The following ATP9B variants were observed in gnomAD, a reference collection of about 807,000 sequenced individuals.
ATP9B encodes the protein ATPase phospholipid transporting 9B, also known as probable phospholipid-transporting ATPase IIB.
Under a neutral mutation model 146.1 loss-of-function variants are expected in ATP9B, and 110 were observed. The observed-to-expected ratio is 0.75, with a 90% CI of 0.65 to 0.88. The LOEUF is 0.88. Among genes scored for constraint, ATP9B ranks in the 40% least tolerant of loss-of-function variants. The pLI, the probability that ATP9B is intolerant of heterozygous loss-of-function variation, is 0.00. For missense variants in ATP9B, 1,499 were observed against 1,496.4 expected (o/e 1.00, Z -0.03); for synonymous variants, 604 against 569.7 (o/e 1.06, Z -0.86).
intron 1 of ATP9B, among the ~76,000 whole-genome samples, chr18:79,073,715 C>G (rs998391434): frequency 6.6e-6 from 1 of 152,214 alleles, no homozygotes; most frequent in Non-Finnish European, 1.5e-5. Flanking sequence ...ATTCTTTACT[C>G]TGTTATCTCC....
intron 23 of ATP9B, among the ~76,000 whole-genome samples, chr18:79,347,228 C>T (rs182839123): frequency 6.6e-6 from 1 of 152,342 alleles, no homozygotes; most frequent in East Asian, 1.9e-4. Flanking sequence ...TACAGACACA[C>T]CCAGAAAGAC....
chr18:79,221,291 G>A (rs771349982), intron 11 of ATP9B, among the ~76,000 whole-genome samples: 32 of 152,156 alleles, frequency 2.1e-4, no homozygotes, highest in Non-Finnish European at 4.1e-4. Flanking sequence ...TCCTCCTGCA[G>A]GACATGAAGG....
intron 25 of ATP9B, among the ~76,000 whole-genome samples, chr18:79,351,809 T>G (rs1182902779): frequency 1.4e-5 from 2 of 141,296 alleles, no homozygotes; most frequent in East Asian, 4.1e-4. Flanking sequence ...GCAAAGGTGG[T>G]GATGGGGAAG....
intron 6 of ATP9B, chr18:79,144,975 G>T (rs2094560543): frequency 4.2e-6 from 1 of 237,590 alleles, no homozygotes; most frequent in Non-Finnish European, 8.4e-6. Flanking sequence ...CCAACGTGGA[G>T]ATTGTCAGGG....
intron 1 of ATP9B, among the ~76,000 whole-genome samples, chr18:79,072,889 TAGAGATGCTCCTCACCTCC>T (rs1412787968): frequency 7.7e-6 from 1 of 130,490 alleles, no homozygotes; most frequent in East Asian, 2.3e-4. Flanking sequence ...GGCGGCTGGG[TAGAGATGCTCCTCACCTCC>T]CAGACAGGGC....
intron 15 of ATP9B, among the ~76,000 whole-genome samples, chr18:79,317,945 G>A (rs1040300659): frequency 1.3e-5 from 2 of 152,252 alleles, no homozygotes; most frequent in African/African-American, 4.8e-5. Context: ...CATGGCAGGG[G>A]ATGTGTCGGA....
At position 79,239,350 on chromosome 18, in the gene ATP9B, A is replaced by G. The variant is rs1239983903; in HGVS notation, c.1108-14031A>G. ...AAAACAGAGAGGTTGGGAATTTACA[A>G]CAAACCAAATTAAATGATGGTGTTT... On this transcript the variant is annotated intron_variant, in intron 11 of 29. Coordinates refer to ENST00000426216, the MANE Select transcript of ATP9B (RefSeq NM_198531.5). This position sits in a 1 kb window ranked among gnomAD's most constrained non-coding sequence, Gnocchi z 5.1. Among the ~76,000 whole-genome samples, 1 of 152,184 alleles carries G rather than the reference A, an allele frequency of 6.6e-6. No homozygotes were observed. The highest frequency in any genetic ancestry group is 6.5e-5 in the Admixed American group (1 of 15,282).
chr18:79,165,211 C>T (rs2094947165), intron 7 of ATP9B, among the ~76,000 whole-genome samples: 1 of 152,176 alleles, frequency 6.6e-6, no homozygotes, highest in Admixed American at 6.5e-5. Context: ...ATTGAGTAGT[C>T]AGTTACAGGG....
In ATP9B at chr18:79,141,045, G is replaced by T. The variant is rs938117704; in HGVS notation, c.668-2757G>T. Among the ~76,000 whole-genome samples the T allele has an allele frequency of 4.6e-5, 7 of 152,192 alleles. No homozygotes were observed. In the South Asian group the frequency reaches 1.5e-3, roughly 32 times the overall value. ...CCTTACTTGGCGATACCGTTTGGCT[G>T]TGTCCCCACCCAAATCTCATCTTGA... On this transcript the variant is annotated intron_variant, in intron 5 of 29. Transcript: ENST00000426216.
chr18:79,104,729 T>A (rs2075537475), intron 2 of ATP9B, among the ~76,000 whole-genome samples: 1 of 152,122 alleles, frequency 6.6e-6, no homozygotes, highest in African/African-American at 2.4e-5. Context: ...TATCCTAGAT[T>A]TGTCTAGGAA....
intron 7 of ATP9B, among the ~76,000 whole-genome samples, chr18:79,162,548 A>C (rs2094899208): frequency 6.6e-6 from 1 of 152,184 alleles, no homozygotes; most frequent in Non-Finnish European, 1.5e-5. Flanking sequence ...AGTGTTTGGG[A>C]CATATTATAG....
intron 26 of ATP9B, chr18:79,362,881 G>C (rs1315035881): frequency 6.6e-6 from 1 of 152,180 alleles, no homozygotes; most frequent in East Asian, 1.9e-4. Flanking sequence ...GTGCCATTAG[G>C]TATTGAACCA....
chr18:79,174,244 G>A (rs1478455986), intron 7 of ATP9B: 1 of 391,192 alleles, frequency 2.6e-6, no homozygotes. Flanking sequence ...TGAAGCTATA[G>A]TGTAATGGAC....
At chr18:79,243,412 T>C (rs1220340927) in intron 11 of ATP9B, among the ~76,000 whole-genome samples, 1 of 152,246 alleles carries the variant, frequency 6.6e-6, no homozygotes, top group African/African-American at 2.4e-5. Context: ...TGGCTCTTGA[T>C]TTAAAAATAG....
chr18:79,073,347 C>G (rs547491238), intron 1 of ATP9B, among the ~76,000 whole-genome samples: 50 of 152,208 alleles, frequency 3.3e-4, no homozygotes, highest in Non-Finnish European at 5.9e-4. Context: ...ACATTGAGCA[C>G]TGAGTGAGCG....
rs369641136 is a variant in ATP9B, at chr18:79,348,164, C to T, written c.2871C>T (p.Ser957=). ...AVFSSVFYFA[S]VPLYQGFLMV... Reference sequence around the variant, plus strand: ...TTTCCTCAGTCTTCTACTTCGCATCCGTCCCTTTGTATCAGGGCTTCCTCA... The same window carrying T: ...TTTCCTCAGTCTTCTACTTCGCATCTGTCCCTTTGTATCAGGGCTTCCTCA... The change falls in exon 25 of 30, where the codon TCC becomes TCT. Residue 957 remains serine (S), a synonymous_variant. Coordinates refer to ENST00000426216, the MANE Select transcript of ATP9B (RefSeq NM_198531.5). 42 of 1,611,170 alleles carry T rather than the reference C, an allele frequency of 2.6e-5. No individual in the cohort carries two copies. Among genetic ancestry groups the T allele is most frequent in the Non-Finnish European group, 3.1e-5 (36 of 1,179,064 alleles).
intron 28 of ATP9B, 55 bp from the exon 29 acceptor site, chr18:79,375,339 T>G: frequency 1.4e-6 from 2 of 1,463,912 alleles, no homozygotes; most frequent in African/African-American, 1.4e-5. Flanking sequence ...CCTTGAAATA[T>G]CCTGGTATCT....
intron 1 of ATP9B, among the ~76,000 whole-genome samples, chr18:79,081,647 G>A (rs2073273319): frequency 1.3e-5 from 2 of 148,380 alleles, no homozygotes; most frequent in East Asian, 2.0e-4. Context: ...TCTTCGAAGG[G>A]TTTTTCGTGT....
intron 5 of ATP9B, among the ~76,000 whole-genome samples, chr18:79,143,330 TCTC>T (rs1464955360): frequency 2.0e-5 from 3 of 152,216 alleles, no homozygotes; most frequent in African/African-American, 7.2e-5. Context: ...TTTTCACTCT[TCTC>T]CTGTGTTGGT....
Sources: allele counts gnomAD v4.1 joint callset (sites outside exome capture counted in the v4.1 genomes callset), GRCh38; gene constraint gnomAD v4.1.1; non-coding constraint Gnocchi (gnomAD v3.1); transcripts MANE v1.5; gene names NCBI Gene and HGNC (gene_info 2026-07-23, HGNC 2026-07-21).